Variants in CSMD1 observed in about 807,000 individuals in gnomAD.
CSMD1 encodes CUB and sushi domain-containing protein 1.
In CSMD1, 213 loss-of-function variants were observed where a neutral mutation model predicts 417.5. That is an observed-to-expected ratio of 0.51 (90% CI 0.46 to 0.57). The LOEUF is 0.57. CSMD1 is among the 20% of genes least tolerant of loss of function. The pLI, the probability that CSMD1 is intolerant of heterozygous loss-of-function variation, is 0.00. For synonymous variants in CSMD1, 2,862 were observed against 1,736.8 expected (o/e 1.65, Z -16.11); for missense variants, 6,923 against 4,529.7 (o/e 1.53, Z -15.17).
intron 49 of CSMD1, among the ~76,000 whole-genome samples, chr8:3,061,772 T>G (rs1168625369): frequency 6.6e-6 from 1 of 152,224 alleles, no homozygotes; most frequent in Admixed American, 6.5e-5. Flanking sequence ...TTCCCTGCCA[T>G]TGTGAAAAGT....
chr8:4,750,013 T>A (rs1354437156), intron 1 of CSMD1, among the ~76,000 whole-genome samples: 1 of 151,912 alleles, frequency 6.6e-6, no homozygotes, highest in African/African-American at 2.4e-5. Flanking sequence ...TAATAATTAT[T>A]ATTATTTTTT....
chr8:3,938,118 A>C (rs1810629308), intron 5 of CSMD1, among the ~76,000 whole-genome samples: 1 of 152,158 alleles, frequency 6.6e-6, no homozygotes, highest in East Asian at 1.9e-4. Context: ...AAGCATATAA[A>C]ATGTTAGATG....
intron 3 of CSMD1, among the ~76,000 whole-genome samples, chr8:4,341,531 C>T (rs1319991987): frequency 1.3e-5 from 2 of 152,032 alleles, no homozygotes; most frequent in African/African-American, 2.4e-5. Flanking sequence ...GAAGCAAACC[C>T]ATGGAAACAT....
chr8:4,877,140 T>C (rs1373935288), intron 1 of CSMD1, among the ~76,000 whole-genome samples: 1 of 152,074 alleles, frequency 6.6e-6, no homozygotes, highest in Non-Finnish European at 1.5e-5. Context: ...TCATGCTCTT[T>C]TTCATGACAC....
Position 3,640,531 on chromosome 8 carries a change from A to G in CSMD1, c.1010-23734T>C, listed in dbSNP as rs147219202. Among the ~76,000 whole-genome samples, 9 of 152,328 alleles carry G rather than the reference A, an allele frequency of 5.9e-5. No individual in the cohort carries two copies. The East Asian group carries it at 1.3e-3, about 23-fold the overall frequency. On this transcript the variant is annotated intron_variant, in intron 7 of 69. Coordinates refer to ENST00000635120, the MANE Select transcript of CSMD1 (RefSeq NM_033225.6). The stretch of plus-strand genomic sequence containing the variant: ...TGTAGGTTATCTCAGAAAAATGTGG[A>G]AGCATAAACTCATTTTTTTCCACTG...
chr8:3,245,747 G>A (rs964079183), intron 26 of CSMD1, among the ~76,000 whole-genome samples: 1 of 152,204 alleles, frequency 6.6e-6, no homozygotes, highest in Non-Finnish European at 1.5e-5. Flanking sequence ...TTTCTGGGTG[G>A]ATCTAGAACG....
chr8:3,096,407 G>T (rs948942237), intron 47 of CSMD1, among the ~76,000 whole-genome samples: 1 of 152,058 alleles, frequency 6.6e-6, no homozygotes, highest in Non-Finnish European at 1.5e-5. Flanking sequence ...AGATCTGATG[G>T]TTTTAAAAAT....
In CSMD1 at chr8:3,390,099, A is replaced by C. The variant is rs1306040739; in HGVS notation, c.2594-2417T>G. ...GCTGGGCACGGTGGCTCATGCTTGT[A>C]ATCCCAGCACTTTGGGAGGCCGAGG... On this transcript the variant is annotated intron_variant, in intron 17 of 69. Coordinates refer to ENST00000635120, the MANE Select transcript of CSMD1 (RefSeq NM_033225.6). Among the ~76,000 whole-genome samples the C allele has an allele frequency of 2.0e-5, 3 of 152,238 alleles. No individual in the cohort carries two copies. The East Asian group carries it at 5.8e-4, about 29-fold the overall frequency.
intron 2 of CSMD1, among the ~76,000 whole-genome samples, chr8:4,584,181 G>T (rs11987630): frequency 6.6e-6 from 1 of 151,730 alleles, no homozygotes; most frequent in African/African-American, 2.4e-5. Flanking sequence ...CACTCACTGC[G>T]ACGGTCCGTG....
At chr8:3,536,474 T>G (rs906619059) in intron 10 of CSMD1, among the ~76,000 whole-genome samples, 1 of 152,204 alleles carries the variant, frequency 6.6e-6, no homozygotes, top group Non-Finnish European at 1.5e-5. Context: ...CCAGGTTTCC[T>G]CTTTGATTAA....
intron 5 of CSMD1, among the ~76,000 whole-genome samples, chr8:3,883,085 T>A (rs1459395722): frequency 6.6e-6 from 1 of 152,182 alleles, no homozygotes; most frequent in Non-Finnish European, 1.5e-5. Context: ...GACTATTTAC[T>A]CTAAGAATTC....
intron 2 of CSMD1, among the ~76,000 whole-genome samples, chr8:4,440,844 A>T (rs973498039): frequency 4.6e-5 from 7 of 151,842 alleles, no homozygotes; most frequent in African/African-American, 1.7e-4. Context: ...GAAAATACAA[A>T]AACTTAGCTG....
chr8:3,139,972 G>T (rs1818335370), intron 41 of CSMD1, among the ~76,000 whole-genome samples: 1 of 148,442 alleles, frequency 6.7e-6, no homozygotes, highest in African/African-American at 2.5e-5. Flanking sequence ...GTGTGATCTT[G>T]GCTCACTGCA....
rs756228283 is a variant in CSMD1, at chr8:3,407,906, A to C, written c.2064T>G (p.Thr688=). ...CTGTGTGGGCGTACTTACTGGTGTA[A>C]GTGATGTTGAACCCTCTGCCAGTAG... ...HSTTGRGFNI[T]YTTFGQNECH... Residue 688 remains threonine (T), a synonymous_variant, in exon 14 of 70, where the codon ACT becomes ACG. Coordinates refer to ENST00000635120, the MANE Select transcript of CSMD1 (RefSeq NM_033225.6). 11 of 1,607,202 alleles carry C rather than the reference A, an allele frequency of 6.8e-6. No homozygotes were observed. In the Admixed American group the frequency reaches 1.8e-4, roughly 27 times the overall value.
In CSMD1 at chr8:4,615,642, A is replaced by AT. The variant is rs529216173; in HGVS notation, c.302+21699dup. Reference sequence around the variant, plus strand: ...AAAGTCATTCTTAAATAATAAATATATTTTTTTGTGAGTGTAAGGTGTTAT... The same window carrying AT: ...AAAGTCATTCTTAAATAATAAATATATTTTTTTTGTGAGTGTAAGGTGTTAT... On this transcript the variant is annotated intron_variant, in intron 2 of 69. Transcript: ENST00000635120. Among the ~76,000 whole-genome samples, 168 of 152,146 alleles carry AT rather than the reference A, an allele frequency of 1.1e-3. 1 individual carries two copies. The highest frequency in any genetic ancestry group is 3.8e-3 in the African/African-American group (156 of 41,456).
intron 1 of CSMD1, among the ~76,000 whole-genome samples, chr8:4,717,092 C>T (rs1808704829): frequency 6.6e-6 from 1 of 151,338 alleles, no homozygotes; most frequent in African/African-American, 2.4e-5. Flanking sequence ...CCCTCTCTGC[C>T]CCGAGAAAAA....
chr8:4,397,121 C>T (rs949586981), intron 3 of CSMD1, among the ~76,000 whole-genome samples: 1 of 152,118 alleles, frequency 6.6e-6, no homozygotes, highest in Admixed American at 6.6e-5. Flanking sequence ...TAACCATCTG[C>T]ACGCCATCAC....
chr8:4,016,665 T>C (rs2130472133), intron 4 of CSMD1, among the ~76,000 whole-genome samples: 1 of 152,344 alleles, frequency 6.6e-6, no homozygotes, highest in Non-Finnish European at 1.5e-5. Flanking sequence ...TGTCTTACTC[T>C]GTAAAGCAAG....
At chr8:3,167,038 G>A (rs1012094421) in intron 37 of CSMD1, among the ~76,000 whole-genome samples, 1 of 152,126 alleles carries the variant, frequency 6.6e-6, no homozygotes, top group Non-Finnish European at 1.5e-5. Context: ...TGTCATCCCA[G>A]CACTTTGGGA....
Sources: gnomAD v4.1 joint callset for allele counts (sites outside exome capture counted in the v4.1 genomes callset) on GRCh38, gnomAD v4.1.1 for gene constraint, MANE v1.5 for transcripts, NCBI Gene and HGNC (gene_info 2026-07-23, HGNC 2026-07-21) for gene names.